NAA35: variants seen among roughly 807,000 people sequenced by gnomAD.
The protein encoded by NAA35 is N-alpha-acetyltransferase 35, NatC auxiliary subunit.
A neutral mutation model predicts 101.7 loss-of-function variants in NAA35; 18 were observed. The ratio of observed to expected loss-of-function variants is 0.18; its 90% CI spans 0.12 to 0.26. NAA35 has a LOEUF of 0.26. NAA35 is among the 10% of genes least tolerant of loss of function. The pLI is 1.00. For missense variants in NAA35, 601 were observed against 886.8 expected (o/e 0.68, Z 4.09); for synonymous variants, 267 against 273.1 (o/e 0.98, Z 0.22).
intron 21 of NAA35, among the ~76,000 whole-genome samples, chr9:86,019,789 T>C (rs963137574): frequency 6.6e-6 from 1 of 152,164 alleles, no homozygotes; most frequent in Non-Finnish European, 1.5e-5. Context: ...ATGCTTAGAG[T>C]CAGCAATTCT....
At chr9:85,989,905 AAT>A (rs1307119374) in intron 11 of NAA35, among the ~76,000 whole-genome samples, 1 of 152,240 alleles carries the variant, frequency 6.6e-6, no homozygotes, top group Non-Finnish European at 1.5e-5. Flanking sequence ...AATCATCTGT[AAT>A]ATAAAGATAG....
At chr9:85,952,896 GTTAAA>G (rs1240059864) in intron 2 of NAA35, among the ~76,000 whole-genome samples, 1 of 152,000 alleles carries the variant, frequency 6.6e-6, no homozygotes, top group Non-Finnish European at 1.5e-5. Flanking sequence ...TTTTTATTGT[GTTAAA>G]TTAAACAACA....
intron 12 of NAA35, among the ~76,000 whole-genome samples, chr9:86,001,308 T>C (rs1443705854): frequency 3.3e-5 from 5 of 152,210 alleles, no homozygotes; most frequent in Non-Finnish European, 1.5e-5. Flanking sequence ...TCCAATTATG[T>C]GGTCGATATT....
chr9:85,956,411 G>C lies in NAA35; in HGVS notation c.158+18G>C. On this transcript the variant is annotated intron_variant, in intron 3 of 22. Transcript: ENST00000361671. ...GATAAGCTGTAAGTATTTATCCTTT[G>C]AAAATAGTGTAGTGTAATGTTTCAG... is the stretch of plus-strand genomic sequence containing the variant. The C allele has an allele frequency of 7.4e-7, 1 of 1,356,608 alleles. No homozygotes were observed. The highest frequency in any genetic ancestry group is 1.0e-6 in the Non-Finnish European group (1 of 1,002,542). The allele number at this position is 1,356,608 out of a possible 1,614,324, so 84.0% of individuals were successfully genotyped here.
intron 18 of NAA35, 65 bp downstream of exon 18, chr9:86,016,740 G>A: frequency 2.0e-6 from 3 of 1,520,358 alleles, no homozygotes; most frequent in Non-Finnish European, 2.7e-6. Context: ...TAAATAGATG[G>A]AGAGCTACTC....
intron 11 of NAA35, among the ~76,000 whole-genome samples, chr9:85,988,476 A>G (rs1830746175): frequency 6.6e-6 from 1 of 152,174 alleles, no homozygotes; most frequent in African/African-American, 2.4e-5. Context: ...AAAATAGCAA[A>G]AGCATTCTAG....
At chr9:85,955,360 A>ATATATATTTTT (rs749448250) in intron 2 of NAA35, among the ~76,000 whole-genome samples, 1 of 53,932 alleles carries the variant, frequency 1.9e-5, no homozygotes, top group Non-Finnish European at 3.0e-5. Context: ...ATATATATAT[A>ATATATATTTTT]TTTTTTTTTT....
At chr9:86,018,168 CTGT>C in intron 19 of NAA35, 84 bp from the exon 20 acceptor site, 1 of 1,191,856 alleles carries the variant, frequency 8.4e-7, no homozygotes, top group South Asian at 1.6e-5. Context: ...TTTTAAATAG[CTGT>C]TTCTTGTCTT....
Position 86,025,136 on chromosome 9 carries a change from G to C in NAA35, c.*3176G>C, listed in dbSNP as rs1024302963. On this transcript the variant is annotated 3_prime_UTR_variant, in exon 23 of 23. Coordinates refer to ENST00000361671, the MANE Select transcript of NAA35 (RefSeq NM_024635.4). ...TGTTTGGAAAAGTTCAGGAGAGGTG[G>C]GTGTTTTCCTTGTTCCTCTTTGGCT... Among the ~76,000 whole-genome samples the C allele has an allele frequency of 2.0e-5, 3 of 152,144 alleles. No individual in the cohort carries two copies. The highest frequency in any genetic ancestry group is 7.2e-5 in the African/African-American group (3 of 41,442).
intron 6 of NAA35, among the ~76,000 whole-genome samples, chr9:85,964,546 T>C (rs760435104): frequency 2.0e-5 from 3 of 152,244 alleles, no homozygotes; most frequent in Non-Finnish European, 4.4e-5. Flanking sequence ...AATTATGTCC[T>C]GCATTTAATT....
chr9:85,994,704 AC>A (rs1831079167), intron 11 of NAA35, among the ~76,000 whole-genome samples: 1 of 152,194 alleles, frequency 6.6e-6, no homozygotes, highest in Non-Finnish European at 1.5e-5. Flanking sequence ...GCTCAGTAAA[AC>A]CAAAGTACTT....
In NAA35 at chr9:85,957,640, G is replaced by A. The variant is rs143926060; in HGVS notation, c.159-832G>A. On this transcript the variant is annotated intron_variant, in intron 3 of 22. Coordinates refer to ENST00000361671, the MANE Select transcript of NAA35 (RefSeq NM_024635.4). ...ACCACATGCAAACAATAGCACCTTG[G>A]AAAAACAAAATAAATGGAAATACTT... Among the ~76,000 whole-genome samples, 329 of 152,218 alleles carry A rather than the reference G, an allele frequency of 2.2e-3. 2 individuals are homozygous for A. Among genetic ancestry groups the A allele is most frequent in the Middle Eastern group, 6.8e-3 (2 of 292 alleles).
At position 85,950,568 on chromosome 9, in the gene NAA35, C is replaced by A. The variant is rs201874483; in HGVS notation, c.125-5792C>A. ...ATTACTGAAGTTCTAAGGAATCTTA[C>A]GAGTCATCTAGTCTAACCTTTCATT... On this transcript the variant is annotated intron_variant, in intron 2 of 22. Transcript: ENST00000361671. Among the ~76,000 whole-genome samples, 11 of 152,178 alleles carry A rather than the reference C, an allele frequency of 7.2e-5. No homozygotes were observed. In the East Asian group the frequency reaches 1.7e-3, roughly 24 times the overall value.
intron 11 of NAA35, among the ~76,000 whole-genome samples, chr9:85,992,128 T>G (rs1830942057): frequency 6.6e-6 from 1 of 150,592 alleles, no homozygotes; most frequent in Non-Finnish European, 1.5e-5. Flanking sequence ...GAGCCAAGAT[T>G]GTGCCACTGC....
intron 12 of NAA35, among the ~76,000 whole-genome samples, chr9:86,002,855 G>C (rs1431174530): frequency 6.6e-6 from 1 of 152,118 alleles, no homozygotes; most frequent in Non-Finnish European, 1.5e-5. Flanking sequence ...AGCCAGTTCA[G>C]CCTGATTAAG....
At chr9:86,007,269 T>C (rs1831686066) in intron 13 of NAA35, 89 bp from the exon 14 acceptor site, 3 of 886,534 alleles carry the variant, frequency 3.4e-6, no homozygotes, top group Non-Finnish European at 5.3e-6. Flanking sequence ...ATCACTTGCG[T>C]AGTCTGTGGC....
chr9:85,948,302 T>C (rs1379996282), intron 2 of NAA35, among the ~76,000 whole-genome samples: 1 of 152,204 alleles, frequency 6.6e-6, no homozygotes, highest in African/African-American at 2.4e-5. Flanking sequence ...GGTGTACTTA[T>C]CATTAATTCT....
At position 85,962,177 on chromosome 9, in the gene NAA35, A is replaced by C; in HGVS notation, c.513A>C (p.Glu171Asp). 2 of 1,613,562 alleles carry C rather than the reference A, an allele frequency of 1.2e-6. No individual in the cohort carries two copies. Among genetic ancestry groups the C allele is most frequent in the Admixed American group, 3.3e-5 (2 of 59,922 alleles). ...REKVNKAAVF[E>D]EEDFQSMTYG... ...AAGTAAATAAAGCTGCTGTTTTTGAAGAGGTAAGATTTCGTAATGTAAGAA... is the reference window on the plus strand; with the variant it reads ...AAGTAAATAAAGCTGCTGTTTTTGACGAGGTAAGATTTCGTAATGTAAGAA... Residue 171 changes from glutamate (E) to aspartate (D), a missense_variant, in exon 6 of 23, where the codon GAA becomes GAC. Around this residue, in one of 8 missense-constraint regions of NAA35, gnomAD observed 86 missense variants for 169.4 expected, o/e 0.51. Transcript: ENST00000361671.
intron 17 of NAA35, 107 bp from the exon 18 acceptor site, chr9:86,016,432 T>TTAAA (rs1832228007): frequency 3.2e-6 from 3 of 930,732 alleles, no homozygotes; most frequent in Non-Finnish European, 4.8e-6. Flanking sequence ...AATGATCTGT[T>TTAAA]TTTAAAGACC....
Sources: allele counts gnomAD v4.1 joint callset (sites outside exome capture counted in the v4.1 genomes callset), GRCh38; gene constraint gnomAD v4.1.1; regional missense constraint gnomAD v4.1.1; transcripts MANE v1.5; gene names NCBI Gene and HGNC (gene_info 2026-07-23, HGNC 2026-07-21).